Variants in SEMA3A observed in about 807,000 individuals in gnomAD.
SEMA3A encodes the protein semaphorin-3A.
A neutral mutation model predicts 97.9 loss-of-function variants in SEMA3A; 29 were observed. That is an observed-to-expected ratio of 0.30 (90% CI 0.22 to 0.40). SEMA3A has a LOEUF of 0.40. Among genes scored for constraint, SEMA3A ranks in the 10% least tolerant of loss-of-function variants. The pLI, the probability that SEMA3A is intolerant of heterozygous loss-of-function variation, is 1.00. For synonymous variants in SEMA3A, 321 were observed against 323.7 expected, an observed-to-expected ratio of 0.99 and a Z score of 0.09; for missense variants, 763 against 951.3, an observed-to-expected ratio of 0.80 and a Z score of 2.60.
chr7:84,165,614 G>A (rs4728549), intron 1 of SEMA3A, among the ~76,000 whole-genome samples: 108,137 of 151,924 alleles, frequency 0.71, 38,583 homozygotes, highest in Middle Eastern at 0.75. Flanking sequence ...GTGCAGTGTC[G>A]CGATCTCAGC....
intron 2 of SEMA3A, among the ~76,000 whole-genome samples, chr7:84,348,922 T>G (rs551381657): frequency 6.6e-6 from 1 of 152,044 alleles, no homozygotes; most frequent in Non-Finnish European, 1.5e-5. Context: ...TGGCGGAGGT[T>G]GAAGTAAGCC....
chr7:84,076,967 C>T (rs1793973354), intron 4 of SEMA3A, among the ~76,000 whole-genome samples: 2 of 152,110 alleles, frequency 1.3e-5, no homozygotes, highest in African/African-American at 4.8e-5. Flanking sequence ...GTTCAAACTT[C>T]ATGTAGATTA....
chr7:84,444,874 C>T (rs79021533), intron 1 of SEMA3A, among the ~76,000 whole-genome samples: 4,847 of 152,022 alleles, frequency 0.032, 250 homozygotes, highest in African/African-American at 0.11. Context: ...GTAAACTGCT[C>T]ATTTCCTGGG....
chr7:83,980,655 TATAC>T (rs1789377060), intron 14 of SEMA3A, among the ~76,000 whole-genome samples: 1 of 120,010 alleles, frequency 8.3e-6, no homozygotes, highest in African/African-American at 3.0e-5. Flanking sequence ...CACACACACA[TATAC>T]ATATATACAC....
At chr7:84,211,422 C>T (rs886505265) in intron 3 of SEMA3A, among the ~76,000 whole-genome samples, 1 of 151,190 alleles carries the variant, frequency 6.6e-6, no homozygotes. Context: ...ACCAGCCTGG[C>T]CAACATGGTG....
chr7:84,430,772 C>G (rs1319475642), intron 1 of SEMA3A, among the ~76,000 whole-genome samples: 1 of 149,106 alleles, frequency 6.7e-6, no homozygotes, highest in Non-Finnish European at 1.5e-5. Context: ...TTCTTCTATA[C>G]CTACACAACA....
At chr7:84,418,128 T>C (rs973705518) in intron 1 of SEMA3A, among the ~76,000 whole-genome samples, 2 of 152,058 alleles carry the variant, frequency 1.3e-5, no homozygotes, top group Admixed American at 6.6e-5. Flanking sequence ...TTTAAGTCAG[T>C]GGACTGGGAG....
At chr7:84,472,806 C>T (rs1017478437) in intron 1 of SEMA3A, among the ~76,000 whole-genome samples, 9 of 152,020 alleles carry the variant, frequency 5.9e-5, no homozygotes, top group African/African-American at 2.2e-4. Context: ...ATATCAATAG[C>T]TTATGTTAAG....
chr7:84,303,877 C>T (rs1166906888), intron 3 of SEMA3A, among the ~76,000 whole-genome samples: 5 of 152,106 alleles, frequency 3.3e-5, no homozygotes, highest in Non-Finnish European at 5.9e-5. Flanking sequence ...AATGCGTTTT[C>T]GACTTACTAT....
chr7:84,390,193 T>A (rs1234556190), intron 1 of SEMA3A, among the ~76,000 whole-genome samples: 1 of 151,958 alleles, frequency 6.6e-6, no homozygotes, highest in African/African-American at 2.4e-5. Context: ...ATAAACCAAG[T>A]GCAACCACTG....
intron 6 of SEMA3A, among the ~76,000 whole-genome samples, chr7:84,043,957 T>C (rs77234957): frequency 0.067 from 10,240 of 152,000 alleles, 376 homozygotes; most frequent in South Asian, 0.1. Flanking sequence ...ACTTGATGGG[T>C]TTTTTTCTCC....
chr7:84,055,338 G>A (rs1032225598), intron 5 of SEMA3A, among the ~76,000 whole-genome samples: 1 of 152,200 alleles, frequency 6.6e-6, no homozygotes, highest in Non-Finnish European at 1.5e-5. Flanking sequence ...TCAGACTGCT[G>A]TGCTAGCAAT....
chr7:84,480,244 G>A (rs530383508), intron 1 of SEMA3A, among the ~76,000 whole-genome samples: 4 of 152,044 alleles, frequency 2.6e-5, no homozygotes, highest in East Asian at 3.9e-4. Context: ...TTTCACTCTC[G>A]CTGAATTTCC....
chr7:84,235,918 G>T (rs1251799625), intron 3 of SEMA3A, among the ~76,000 whole-genome samples: 2 of 152,054 alleles, frequency 1.3e-5, no homozygotes, highest in Non-Finnish European at 2.9e-5. Context: ...CATGTTTAGG[G>T]TGTATTCCTT....
intron 1 of SEMA3A, among the ~76,000 whole-genome samples, chr7:84,477,617 C>T (rs1376337854): frequency 1.3e-5 from 2 of 151,916 alleles, no homozygotes; most frequent in Non-Finnish European, 2.9e-5. Context: ...TTTTCATCAT[C>T]TTGTGTGAAA....
At chr7:84,147,913 T>G (rs769765485) in intron 1 of SEMA3A, among the ~76,000 whole-genome samples, 2 of 152,106 alleles carry the variant, frequency 1.3e-5, no homozygotes, top group African/African-American at 2.4e-5. Flanking sequence ...TTTTCCTTCC[T>G]TCCTTTTTGT....
At chr7:84,020,033 T>G (rs1459018674) in intron 6 of SEMA3A, among the ~76,000 whole-genome samples, 1 of 136,128 alleles carries the variant, frequency 7.3e-6, no homozygotes, top group Admixed American at 7.9e-5. Flanking sequence ...ATTTTTTTCT[T>G]TCTTTTTTTT....
intron 2 of SEMA3A, among the ~76,000 whole-genome samples, chr7:84,345,884 T>C (rs1469172531): frequency 6.6e-6 from 1 of 152,208 alleles, no homozygotes; most frequent in Non-Finnish European, 1.5e-5. Context: ...CTTAATGACA[T>C]GTAAAATGGT....
intron 1 of SEMA3A, among the ~76,000 whole-genome samples, chr7:84,446,844 T>C (rs1315848518): frequency 2.6e-5 from 4 of 152,114 alleles, no homozygotes; most frequent in Admixed American, 1.3e-4. Flanking sequence ...GCCAGGCTTA[T>C]GTGCTCCGTG....
Sources: allele counts gnomAD v4.1 joint callset (sites outside exome capture counted in the v4.1 genomes callset), GRCh38; gene constraint gnomAD v4.1.1; transcripts MANE v1.5; gene names NCBI Gene and HGNC (gene_info 2026-07-23, HGNC 2026-07-21).